HOGA1: variants seen among roughly 807,000 people sequenced by gnomAD.
HOGA1 encodes the protein 4-hydroxy-2-oxoglutarate aldolase, mitochondrial.
A neutral mutation model predicts 34.3 loss-of-function variants in HOGA1; 30 were observed. The observed-to-expected ratio is 0.87, with a 90% confidence interval of 0.65 to 1.19. HOGA1 has a LOEUF of 1.19. HOGA1 is among the 50% of genes most tolerant of loss of function. The probability of loss-of-function intolerance (pLI) is 0.00; values close to 1 mark genes in which losing one functional copy is unlikely to be tolerated. For missense variants in HOGA1, 417 were observed against 436.5 expected (o/e 0.96, Z 0.40); for synonymous variants, 161 against 174.0 (o/e 0.93, Z 0.59).
chr10:97,600,874 C>CAATG (rs1313016229), intron 5 of HOGA1: 1 of 152,530 alleles, frequency 6.6e-6, no homozygotes, highest in African/African-American at 2.4e-5. Context: ...TCTCCCCTGC[C>CAATG]ATGTCATGGC....
At chr10:97,591,596 T>C (rs1188033097) in intron 1 of HOGA1, among the ~76,000 whole-genome samples, 1 of 152,000 alleles carries the variant, frequency 6.6e-6, no homozygotes, top group Non-Finnish European at 1.5e-5. Flanking sequence ...TTGGGTTCTT[T>C]TTTTTCTTTT....
intron 5 of HOGA1, chr10:97,600,757 C>G (rs1161691115): frequency 3.0e-5 from 5 of 165,242 alleles, no homozygotes; most frequent in African/African-American, 9.6e-5. Context: ...GCTGAAGCCC[C>G]AGTGAGTAGA....
At chr10:97,593,029 CAAAAAAAAAA>C (rs1169191059) in intron 1 of HOGA1, among the ~76,000 whole-genome samples, 4 of 47,802 alleles carry the variant, frequency 8.4e-5, no homozygotes, top group Non-Finnish European at 1.2e-4. Context: ...GACTCTGTCT[CAAAAAAAAAA>C]AAAAAAAAAA....
chr10:97,605,860 C>A (rs2041153129), intron 6 of HOGA1, among the ~76,000 whole-genome samples: 1 of 152,062 alleles, frequency 6.6e-6, no homozygotes, highest in South Asian at 2.1e-4. Context: ...TTGTAAATAT[C>A]TTTTCCCAGT....
intron 1 of HOGA1, among the ~76,000 whole-genome samples, chr10:97,587,544 T>G (rs1448786820): frequency 6.6e-6 from 1 of 152,166 alleles, no homozygotes; most frequent in Non-Finnish European, 1.5e-5. Flanking sequence ...AGTCTTGCTC[T>G]GTCGCTCAGG....
intron 1 of HOGA1, chr10:97,590,365 T>C (rs759164296): frequency 6.2e-7 from 1 of 1,613,966 alleles, no homozygotes; most frequent in Non-Finnish European, 8.5e-7. Context: ...AGCACTCAGG[T>C]CACCTAGAGT....
At chr10:97,594,698 C>T (rs1589905608) in intron 1 of HOGA1, among the ~76,000 whole-genome samples, 2 of 151,994 alleles carry the variant, frequency 1.3e-5, no homozygotes, top group African/African-American at 2.4e-5. Context: ...ACCATGTTGG[C>T]CAGGCTGGTC....
intron 6 of HOGA1, among the ~76,000 whole-genome samples, chr10:97,605,636 A>G (rs2135726361): frequency 6.6e-6 from 1 of 152,292 alleles, no homozygotes; most frequent in South Asian, 2.1e-4. Flanking sequence ...GATGTATGGT[A>G]CAAATTAAAA....
rs2135730555 is a variant in HOGA1 at position 97,612,270 on chromosome 10, G to T, written c.*611G>T. On this transcript the variant is annotated 3_prime_UTR_variant, in exon 7 of 7. Transcript: ENST00000370646. ...CTGCCTCGGCCTCCCAAAGTGCTGG[G>T]ATTACAGCTGTGAGCCACTGCACCC... 1 of 153,164 alleles carries T rather than the reference G, an allele frequency of 6.5e-6. No homozygotes were observed. The highest frequency in any genetic ancestry group is 2.1e-4 in the South Asian group (1 of 4,848). 9.5% of individuals were successfully genotyped at this position (153,164 alleles called of 1,614,324 possible).
chr10:97,588,797 A>G (rs2040992874), intron 1 of HOGA1, among the ~76,000 whole-genome samples: 1 of 152,200 alleles, frequency 6.6e-6, no homozygotes, highest in East Asian at 1.9e-4. Flanking sequence ...GTTAAAGAAA[A>G]TATTTTGTTT....
chr10:97,586,999 A>C (rs748072630), intron 1 of HOGA1, among the ~76,000 whole-genome samples: 6 of 152,156 alleles, frequency 3.9e-5, no homozygotes, highest in Non-Finnish European at 7.3e-5. Context: ...TAACCTTTCA[A>C]ATCCAGTCCT....
At chr10:97,589,104 C>T (rs776109583) in intron 1 of HOGA1, among the ~76,000 whole-genome samples, 5 of 152,032 alleles carry the variant, frequency 3.3e-5, no homozygotes, top group Admixed American at 1.3e-4. Flanking sequence ...GGATCTAGAC[C>T]CGATGAAGTC....
rs1489297507 is a variant in HOGA1 at position 97,603,269 on chromosome 10, TTTTTC to T, written c.834+1284_834+1288del. Among the ~76,000 whole-genome samples the T allele has an allele frequency of 3.3e-5, 5 of 151,914 alleles. No individual in the cohort carries two copies. Among genetic ancestry groups the T allele is most frequent in the African/African-American group, 1.2e-4 (5 of 41,378 alleles). ...TCCTCCTGCCTCGGCCTCCCAATCT[TTTTTC>T]TTTTATTTTTTTTATTTTCGAAACA... On this transcript the variant is annotated intron_variant, in intron 6 of 6. Coordinates refer to ENST00000370646, the MANE Select transcript of HOGA1 (RefSeq NM_138413.4). This position sits in a 1 kb window ranked among gnomAD's most constrained non-coding sequence, Gnocchi z 4.5.
At chr10:97,610,115 A>G (rs1185067778) in intron 6 of HOGA1, among the ~76,000 whole-genome samples, 3 of 152,224 alleles carry the variant, frequency 2.0e-5, no homozygotes, top group Non-Finnish European at 2.9e-5. Context: ...ACCAGTTGCT[A>G]TACCAAAAGC....
chr10:97,589,955 A>T, intron 1 of HOGA1: 1 of 1,614,156 alleles, frequency 6.2e-7, no homozygotes, highest in Non-Finnish European at 8.5e-7. Flanking sequence ...TCCATCAGAC[A>T]AGGACAAGTC....
intron 1 of HOGA1, chr10:97,590,493 T>C (rs1187707200): frequency 6.2e-7 from 1 of 1,612,970 alleles, no homozygotes; most frequent in Non-Finnish European, 8.5e-7. Flanking sequence ...ACACACACCT[T>C]CTATGGCCAC....
chr10:97,595,948 C>G (rs1174638245), intron 1 of HOGA1, among the ~76,000 whole-genome samples: 2 of 152,178 alleles, frequency 1.3e-5, no homozygotes, highest in African/African-American at 4.8e-5. Flanking sequence ...GAAGGAGGGG[C>G]TCTTTGGGGT....
intron 1 of HOGA1, among the ~76,000 whole-genome samples, chr10:97,597,887 C>T (rs2041083441): frequency 6.6e-6 from 1 of 152,162 alleles, no homozygotes; most frequent in Admixed American, 6.6e-5. Context: ...GGGGCTAAGG[C>T]TGCCGTGAGC....
intron 6 of HOGA1, among the ~76,000 whole-genome samples, chr10:97,611,243 C>G (rs889997898): frequency 1.3e-5 from 2 of 152,224 alleles, no homozygotes; most frequent in South Asian, 4.1e-4. Flanking sequence ...ATACCACTCT[C>G]CTCTCTGTTG....
Sources: allele counts gnomAD v4.1 joint callset (sites outside exome capture counted in the v4.1 genomes callset), GRCh38; gene constraint gnomAD v4.1.1; non-coding constraint Gnocchi (gnomAD v3.1); transcripts MANE v1.5; gene names NCBI Gene and HGNC (gene_info 2026-07-23, HGNC 2026-07-21).